Variants in RBFOX1 observed in about 807,000 individuals in gnomAD.
RBFOX1 encodes RNA binding fox-1 homolog 1.
RBFOX1 carries 8 observed loss-of-function variants against 57.7 expected under a neutral mutation model. That is an observed-to-expected ratio of 0.14 (90% CI 0.08 to 0.25). The LOEUF (loss-of-function observed/expected upper bound fraction) is 0.25, where lower values mean the gene tolerates loss of function less well. Ranked by LOEUF, RBFOX1 falls within the 10% of genes least tolerant of loss-of-function variation. RBFOX1 has a pLI of 1.00. For missense variants in RBFOX1, 611 were observed against 548.5 expected (o/e 1.11, Z -1.14); for synonymous variants, 326 against 222.4 (o/e 1.47, Z -4.15).
At chr16:6,496,464 C>A (rs1244969214) in intron 2 of RBFOX1, among the ~76,000 whole-genome samples, 1 of 152,152 alleles carries the variant, frequency 6.6e-6, no homozygotes, top group African/African-American at 2.4e-5. Context: ...CTTTTAATAG[C>A]CGTGTTGTGG....
chr16:7,545,784 TG>T (rs1482343045), intron 5 of RBFOX1, among the ~76,000 whole-genome samples: 1 of 152,068 alleles, frequency 6.6e-6, no homozygotes, highest in African/African-American at 2.4e-5. Flanking sequence ...AACGTGGTCT[TG>T]GGTCTCAGCT....
intron 4 of RBFOX1, chr16:7,431,377 C>A (rs79647170): frequency 6.6e-6 from 1 of 150,952 alleles, no homozygotes; most frequent in Non-Finnish European, 1.5e-5. Context: ...CAGGTCTGCA[C>A]CAACATGCGC....
chr16:7,322,506 G>GGAAAAT (rs2096558678), intron 4 of RBFOX1, among the ~76,000 whole-genome samples: 1 of 152,210 alleles, frequency 6.6e-6, no homozygotes, highest in South Asian at 2.1e-4. Context: ...AGCACATCTT[G>GGAAAAT]CTACCTACTT....
intron 1 of RBFOX1, among the ~76,000 whole-genome samples, chr16:6,065,194 AT>A (rs71404575): frequency 0.39 from 49,811 of 128,146 alleles, 9,961 homozygotes; most frequent in East Asian, 0.5. Context: ...TCACCGGCTA[AT>A]TTTTTTTTTT....
chr16:7,505,502 C>T lies in RBFOX1; in HGVS notation c.28-12645C>T, dbSNP rs2072980039. Among the ~76,000 whole-genome samples the T allele has an allele frequency of 2.6e-5, 4 of 152,182 alleles. No individual in the cohort carries two copies. The South Asian group carries it at 8.3e-4, about 31-fold the overall frequency. ...AGCACATATTTCCCTTTGGAATTATCACCTCAGAAGTGGCCATATCCAGGT... is the reference window on the plus strand; with the variant it reads ...AGCACATATTTCCCTTTGGAATTATTACCTCAGAAGTGGCCATATCCAGGT... On this transcript the variant is annotated intron_variant, in intron 4 of 15. Transcript: ENST00000550418.
intron 3 of RBFOX1, among the ~76,000 whole-genome samples, chr16:6,912,079 T>C (rs1302803970): frequency 6.6e-6 from 1 of 152,242 alleles, no homozygotes; most frequent in Non-Finnish European, 1.5e-5. Context: ...TGAATAAATA[T>C]GCTGTTGCTT....
chr16:6,085,844 G>C (rs1597158417), intron 1 of RBFOX1, among the ~76,000 whole-genome samples: 1 of 151,952 alleles, frequency 6.6e-6, no homozygotes, highest in Admixed American at 6.6e-5. Context: ...TTAAGTTCTG[G>C]GATACATGTG....
intron 4 of RBFOX1, among the ~76,000 whole-genome samples, chr16:5,901,477 C>T (rs1478841714): frequency 1.3e-5 from 2 of 152,152 alleles, no homozygotes; most frequent in African/African-American, 2.4e-5. Flanking sequence ...CGAAGGTTTG[C>T]CTATAATTTC....
Position 7,709,695 on chromosome 16 carries a change from G to C in RBFOX1, c.1071+564G>C, listed in dbSNP as rs2083618228. On this transcript the variant is annotated intron_variant, in intron 15 of 15. Coordinates refer to ENST00000550418, the MANE Select transcript of RBFOX1 (RefSeq NM_018723.4). ...GTACATAAGAAAGTAGAAGGAATCAGCTGGGTTTGGGGGTTGCCTTTTGTT... is the reference window on the plus strand; with the variant it reads ...GTACATAAGAAAGTAGAAGGAATCACCTGGGTTTGGGGGTTGCCTTTTGTT... 37 of 1,259,548 alleles carry C rather than the reference G, an allele frequency of 2.9e-5. No individual in the cohort carries two copies. In the South Asian group the frequency reaches 6.2e-4, roughly 21 times the overall value. The allele number at this position is 1,259,548 out of a possible 1,614,324, so 78.0% of individuals were successfully genotyped here.
At chr16:5,871,778 C>T (rs1026161396) in intron 4 of RBFOX1, among the ~76,000 whole-genome samples, 8 of 152,170 alleles carry the variant, frequency 5.3e-5, no homozygotes, top group African/African-American at 1.9e-4. Flanking sequence ...CTTGCCTCAC[C>T]TTAATGATTT....
chr16:5,799,034 C>T (rs984730923), intron 3 of RBFOX1, among the ~76,000 whole-genome samples: 1 of 152,100 alleles, frequency 6.6e-6, no homozygotes. Flanking sequence ...GAAGACATAC[C>T]TGAGACTGGG....
intron 4 of RBFOX1, among the ~76,000 whole-genome samples, chr16:7,389,241 T>G (rs2097945511): frequency 6.6e-6 from 1 of 152,106 alleles, no homozygotes; most frequent in African/African-American, 2.4e-5. Context: ...ATCCTGTACC[T>G]CAGCCTCCTG....
chr16:6,244,648 T>C (rs540758091), intron 1 of RBFOX1, among the ~76,000 whole-genome samples: 3 of 152,326 alleles, frequency 2.0e-5, no homozygotes, highest in Non-Finnish European at 4.4e-5. Context: ...TAGCTGGGAT[T>C]ACAGGCATGT....
chr16:6,656,291 T>C (rs1762148405), intron 3 of RBFOX1, among the ~76,000 whole-genome samples: 1 of 152,142 alleles, frequency 6.6e-6, no homozygotes. Context: ...CATCAACATG[T>C]TTTGTCCGGT....
At chr16:5,741,194 C>G (rs145323748) in intron 3 of RBFOX1, among the ~76,000 whole-genome samples, 115 of 152,248 alleles carry the variant, frequency 7.6e-4, no homozygotes, top group African/African-American at 2.6e-3. Context: ...TCTCATCCCT[C>G]TTTCCTGCAT....
At chr16:6,813,324 C>G (rs947012915) in intron 3 of RBFOX1, among the ~76,000 whole-genome samples, 16 of 152,162 alleles carry the variant, frequency 1.1e-4, no homozygotes, top group Non-Finnish European at 1.5e-4. Flanking sequence ...TTCTAGCCTC[C>G]AGTTGACCAC....
intron 3 of RBFOX1, among the ~76,000 whole-genome samples, chr16:5,826,104 A>G (rs536188431): frequency 6.1e-5 from 9 of 147,080 alleles, no homozygotes; most frequent in African/African-American, 2.3e-4. Context: ...AATAAGGAAT[A>G]ATATTCCTTA....
At chr16:6,591,193 C>T (rs1459114341) in intron 2 of RBFOX1, among the ~76,000 whole-genome samples, 3 of 152,148 alleles carry the variant, frequency 2.0e-5, no homozygotes, top group Non-Finnish European at 4.4e-5. Flanking sequence ...TGCCTGTAAT[C>T]CCAGTGCTTT....
chr16:7,688,467 G>A (rs1296669360), intron 14 of RBFOX1, among the ~76,000 whole-genome samples: 1 of 151,980 alleles, frequency 6.6e-6, no homozygotes, highest in African/African-American at 2.4e-5. Flanking sequence ...CGTCCCACCT[G>A]CCCGCACCAA....
Sources: allele counts gnomAD v4.1 joint callset (sites outside exome capture counted in the v4.1 genomes callset), GRCh38; gene constraint gnomAD v4.1.1; transcripts MANE v1.5; gene names NCBI Gene and HGNC (gene_info 2026-07-23, HGNC 2026-07-21).